The following ANKRD6 variants were observed in gnomAD, a reference collection of about 807,000 sequenced individuals.
The protein encoded by ANKRD6 is ankyrin repeat domain-containing protein 6.
ANKRD6 carries 56 observed loss-of-function variants against 82.3 expected under a neutral mutation model. The observed-to-expected ratio is 0.68, with a 90% CI of 0.55 to 0.85. The LOEUF (loss-of-function observed/expected upper bound fraction) is 0.85, where lower values mean the gene tolerates loss of function less well. Ranked by LOEUF, ANKRD6 falls within the 40% of genes least tolerant of loss-of-function variation. ANKRD6 has a pLI of 0.00. For synonymous variants in ANKRD6, 347 were observed against 352.1 expected (o/e 0.99, Z 0.16); for missense variants, 852 against 907.6 (o/e 0.94, Z 0.79).
chr6:89,555,722 G>A (rs945529951), intron 1 of ANKRD6, among the ~76,000 whole-genome samples: 14 of 152,146 alleles, frequency 9.2e-5, no homozygotes, highest in Non-Finnish European at 2.1e-4. Context: ...TGCAGCGGGG[G>A]AGAGGTATCA....
At chr6:89,555,385 A>G (rs1786453035) in intron 1 of ANKRD6, among the ~76,000 whole-genome samples, 1 of 152,108 alleles carries the variant, frequency 6.6e-6, no homozygotes, top group Admixed American at 6.6e-5. Context: ...TGCTGGCCTC[A>G]TTCAATTTTT....
chr6:89,557,684 A>T (rs1406731602), intron 1 of ANKRD6, among the ~76,000 whole-genome samples: 3 of 152,184 alleles, frequency 2.0e-5, no homozygotes, highest in Non-Finnish European at 2.9e-5. Context: ...GCCACACAGC[A>T]GGAGGTGAGC....
chr6:89,563,690 G>A (rs1207876512), intron 1 of ANKRD6, among the ~76,000 whole-genome samples: 2 of 152,138 alleles, frequency 1.3e-5, no homozygotes, highest in Admixed American at 6.6e-5. Flanking sequence ...TTACTGTCAG[G>A]GGTTCCCCCA....
chr6:89,479,463 A>T (rs1354517397), intron 1 of ANKRD6, among the ~76,000 whole-genome samples: 1 of 152,104 alleles, frequency 6.6e-6, no homozygotes, highest in Admixed American at 6.6e-5. Flanking sequence ...GGCTCATTGA[A>T]TCATCTTCTT....
At chr6:89,612,397 G>A (rs980836156) in intron 6 of ANKRD6, 27 bp downstream of exon 6, 8 of 1,525,900 alleles carry the variant, frequency 5.2e-6, no homozygotes, top group Middle Eastern at 1.7e-4. Flanking sequence ...AGATTCTCAC[G>A]TTCTCTCTTT....
At chr6:89,539,369 C>T (rs1203846258) in intron 1 of ANKRD6, among the ~76,000 whole-genome samples, 1 of 151,946 alleles carries the variant, frequency 6.6e-6, no homozygotes, top group East Asian at 1.9e-4. Context: ...ATATAAATAT[C>T]CCCAAGTAGT....
intron 3 of ANKRD6, chr6:89,602,810 C>T: frequency 3.7e-6 from 2 of 537,514 alleles, no homozygotes; most frequent in South Asian, 4.9e-5. Context: ...CTTAAGGTCC[C>T]CCTCTTAGTT....
At chr6:89,517,391 A>G (rs1010740414) in intron 1 of ANKRD6, among the ~76,000 whole-genome samples, 5 of 152,238 alleles carry the variant, frequency 3.3e-5, no homozygotes, top group African/African-American at 1.2e-4. Context: ...TTTTTAATAC[A>G]TTGTGAAAAG....
At chr6:89,540,869 T>C (rs1030691371) in intron 1 of ANKRD6, among the ~76,000 whole-genome samples, 14 of 152,320 alleles carry the variant, frequency 9.2e-5, no homozygotes, top group African/African-American at 3.4e-4. Context: ...CCAGCAACAT[T>C]TATTGAAAAG....
At chr6:89,444,127 G>C (rs1201195564) in intron 1 of ANKRD6, among the ~76,000 whole-genome samples, 1 of 152,206 alleles carries the variant, frequency 6.6e-6, no homozygotes, top group East Asian at 1.9e-4. Flanking sequence ...GCTTTGATGA[G>C]AGGAAGGACC....
chr6:89,588,770 C>T lies in ANKRD6; in HGVS notation c.121-7146C>T, dbSNP rs572004901. 1.7e-3 allele frequency among the ~76,000 whole-genome samples: 261 copies of T among 152,178 alleles called. 1 individual carries two copies. The highest frequency in any genetic ancestry group is 3.0e-3 in the Non-Finnish European group (203 of 68,010). ...CCTCTAATTCCAGCATTTTGGGAGG[C>T]CAAGGCAGGTGGATCACCTGAGGTC... On this transcript the variant is annotated intron_variant, in intron 2 of 15. Coordinates refer to ENST00000339746, the MANE Select transcript of ANKRD6 (RefSeq NM_001242809.2).
At chr6:89,539,775 C>T (rs1241696377) in intron 1 of ANKRD6, among the ~76,000 whole-genome samples, 13 of 149,308 alleles carry the variant, frequency 8.7e-5, no homozygotes, top group Admixed American at 6.0e-4. Flanking sequence ...GCCATCCTCA[C>T]CTCCCTCCAC....
intron 1 of ANKRD6, among the ~76,000 whole-genome samples, chr6:89,502,264 A>G (rs1779351129): frequency 6.6e-6 from 1 of 152,220 alleles, no homozygotes; most frequent in African/African-American, 2.4e-5. Context: ...ATAATGTAAC[A>G]TTGCCATACT....
chr6:89,534,419 A>C (rs1783578202), intron 1 of ANKRD6, among the ~76,000 whole-genome samples: 1 of 152,214 alleles, frequency 6.6e-6, no homozygotes, highest in African/African-American at 2.4e-5. Context: ...TGAACATAAA[A>C]GTGGCATGGG....
chr6:89,474,131 CA>C (rs773961788), intron 1 of ANKRD6, among the ~76,000 whole-genome samples: 22 of 152,016 alleles, frequency 1.4e-4, no homozygotes, highest in South Asian at 8.3e-4. Context: ...CAAAACAAAA[CA>C]AAACACCTGA....
chr6:89,477,631 C>T (rs1027252715), intron 1 of ANKRD6, among the ~76,000 whole-genome samples: 20 of 151,730 alleles, frequency 1.3e-4, no homozygotes, highest in Non-Finnish European at 2.8e-4. Flanking sequence ...ATTAGCCAGG[C>T]GTGGTGGCGG....
At chr6:89,602,369 G>A (rs1301491578) in intron 3 of ANKRD6, 1 of 152,166 alleles carries the variant, frequency 6.6e-6, no homozygotes, top group African/African-American at 2.4e-5. Flanking sequence ...AACAACGGCC[G>A]GCAATCCCAG....
rs751081085 is a variant in ANKRD6 at position 89,612,352 on chromosome 6, C to A, written c.498C>A (p.Arg166=). 1 of 1,558,936 alleles carries A rather than the reference C, an allele frequency of 6.4e-7. No individual in the cohort carries two copies. Among genetic ancestry groups the A allele is most frequent in the East Asian group, 2.4e-5 (1 of 41,806 alleles). Residue 166 remains arginine (R), a synonymous_variant, in exon 6 of 16, where the codon CGC becomes CGA. Transcript: ENST00000339746. ...STRVLLLAGS[R]ADLKNNAGDT... is the part of the protein sequence containing the mutation. ...GCGTCCTCCTGCTGGCCGGGTCCCGCGCTGACCTCAAAAATAATGTGGGTG... is the reference window on the plus strand; with the variant it reads ...GCGTCCTCCTGCTGGCCGGGTCCCGAGCTGACCTCAAAAATAATGTGGGTG...
intron 1 of ANKRD6, among the ~76,000 whole-genome samples, chr6:89,559,338 C>T (rs1274753201): frequency 6.6e-6 from 1 of 152,174 alleles, no homozygotes; most frequent in Non-Finnish European, 1.5e-5. Context: ...CTAACCAGAT[C>T]CTACCTCCTC....
Sources: allele counts gnomAD v4.1 joint callset (sites outside exome capture counted in the v4.1 genomes callset), GRCh38; gene constraint gnomAD v4.1.1; transcripts MANE v1.5; gene names NCBI Gene and HGNC (gene_info 2026-07-23, HGNC 2026-07-21).